CHSY3: variants seen among roughly 807,000 people sequenced by gnomAD.
CHSY3 encodes chondroitin sulfate synthase 3, also known as N-acetylgalactosaminyl-proteoglycan 3-beta-glucuronosyltransferase 3.
In CHSY3, 35 loss-of-function variants were observed where a neutral mutation model predicts 67.2. The observed-to-expected ratio is 0.52, with a 90% CI of 0.40 to 0.69. The LOEUF (loss-of-function observed/expected upper bound fraction) is 0.69, where lower values mean the gene tolerates loss of function less well. Among genes scored for constraint, CHSY3 ranks in the 30% least tolerant of loss-of-function variants. The pLI is 0.00. For synonymous variants in CHSY3, 474 were observed against 434.7 expected, an observed-to-expected ratio of 1.09 and a Z score of -1.12; for missense variants, 1,069 against 1,138.5, an observed-to-expected ratio of 0.94 and a Z score of 0.88.
At chr5:130,015,615 G>A (rs1764197452) in intron 2 of CHSY3, among the ~76,000 whole-genome samples, 1 of 152,182 alleles carries the variant, frequency 6.6e-6, no homozygotes, top group Non-Finnish European at 1.5e-5. Context: ...GTGGAGAAAG[G>A]GGAAGACTTA....
rs150011829 is a variant in CHSY3 at position 130,055,299 on chromosome 5, G to A, written c.1087-128930G>A. 2.2e-3 allele frequency among the ~76,000 whole-genome samples: 325 copies of A among 147,458 alleles called. 1 individual carries two copies. The highest frequency in any genetic ancestry group is 6.8e-3 in the African/African-American group (276 of 40,346). ...CCTTGTAAAAAAAAAAAAAAAAGTC[G>A]TTTTGAACTATGGATATGGAGGTCT... On this transcript the variant is annotated intron_variant, in intron 2 of 2. Transcript: ENST00000305031.
chr5:130,109,528 C>T (rs1336821124), intron 2 of CHSY3, among the ~76,000 whole-genome samples: 1 of 151,702 alleles, frequency 6.6e-6, no homozygotes, highest in African/African-American at 2.4e-5. Context: ...CTTTACACAT[C>T]TACAAAACAC....
chr5:130,048,866 A>G (rs1425040106), intron 2 of CHSY3, among the ~76,000 whole-genome samples: 1 of 152,012 alleles, frequency 6.6e-6, no homozygotes, highest in Non-Finnish European at 1.5e-5. Context: ...GTCAAATAAT[A>G]CAAAATTTCA....
chr5:129,917,778 A>G (rs1438662817), intron 2 of CHSY3, among the ~76,000 whole-genome samples: 1 of 152,296 alleles, frequency 6.6e-6, no homozygotes, highest in African/African-American at 2.4e-5. Context: ...TGACAGCGCA[A>G]TAGAATTTTC....
chr5:129,978,230 G>A (rs898723603), intron 2 of CHSY3, among the ~76,000 whole-genome samples: 6 of 151,844 alleles, frequency 4.0e-5, no homozygotes, highest in Admixed American at 1.3e-4. Flanking sequence ...GTCACAATTC[G>A]CTTCCAGTGA....
At chr5:130,096,930 TCTC>T (rs1336524595) in intron 2 of CHSY3, among the ~76,000 whole-genome samples, 2 of 152,226 alleles carry the variant, frequency 1.3e-5, no homozygotes, top group African/African-American at 4.8e-5. Context: ...TCTGACTCTT[TCTC>T]CTCCTATATT....
At chr5:130,041,397 C>G (rs1765003441) in intron 2 of CHSY3, among the ~76,000 whole-genome samples, 1 of 152,060 alleles carries the variant, frequency 6.6e-6, no homozygotes, top group Non-Finnish European at 1.5e-5. Context: ...CCTCTAGGCA[C>G]TCCAGCCCAA....
At chr5:130,145,007 G>C (rs1270403160) in intron 2 of CHSY3, among the ~76,000 whole-genome samples, 2 of 152,126 alleles carry the variant, frequency 1.3e-5, no homozygotes, top group African/African-American at 2.4e-5. Flanking sequence ...GAGGAAGAGA[G>C]AGGGAAGGGC....
In CHSY3 at chr5:129,924,208, A is replaced by G. The variant is rs183409234; in HGVS notation, c.1086+15848A>G. On this transcript the variant is annotated intron_variant, in intron 2 of 2. Coordinates refer to ENST00000305031, the MANE Select transcript of CHSY3 (RefSeq NM_175856.5). Reference sequence around the variant, plus strand: ...CTATCTTCCTAGAGAGCTTCCCCCAACCCCCTACTAACCACTCTTTTTTAT... The same window carrying G: ...CTATCTTCCTAGAGAGCTTCCCCCAGCCCCCTACTAACCACTCTTTTTTAT... Among the ~76,000 whole-genome samples, 284 of 151,790 alleles carry G rather than the reference A, an allele frequency of 1.9e-3. 3 individuals carry two copies. Among genetic ancestry groups the G allele is most frequent in the East Asian group, 0.017 (89 of 5,130 alleles).
intron 2 of CHSY3, among the ~76,000 whole-genome samples, chr5:130,153,549 T>C (rs1769286878): frequency 6.6e-6 from 1 of 152,192 alleles, no homozygotes; most frequent in South Asian, 2.1e-4. Context: ...GGAAGCCTTT[T>C]TTCATTGCTC....
At chr5:130,124,849 A>G (rs2149710654) in intron 2 of CHSY3, among the ~76,000 whole-genome samples, 1 of 152,318 alleles carries the variant, frequency 6.6e-6, no homozygotes, top group South Asian at 2.1e-4. Flanking sequence ...AAAGTATAAT[A>G]ATAAAAAAAG....
intron 2 of CHSY3, among the ~76,000 whole-genome samples, chr5:129,996,272 C>T (rs1763534998): frequency 6.6e-6 from 1 of 152,168 alleles, no homozygotes; most frequent in Admixed American, 6.5e-5. Flanking sequence ...CATCTGTACA[C>T]CCAGCCAGTA....
At chr5:130,151,954 T>C (rs1033922275) in intron 2 of CHSY3, among the ~76,000 whole-genome samples, 2 of 152,244 alleles carry the variant, frequency 1.3e-5, no homozygotes, top group Non-Finnish European at 2.9e-5. Flanking sequence ...ATTGTCATTG[T>C]AGATACATCT....
intron 2 of CHSY3, among the ~76,000 whole-genome samples, chr5:130,168,698 A>G (rs983082513): frequency 6.6e-6 from 1 of 152,016 alleles, no homozygotes; most frequent in Non-Finnish European, 1.5e-5. Context: ...TACTTTATTA[A>G]AAATTAATTA....
intron 2 of CHSY3, among the ~76,000 whole-genome samples, chr5:129,950,488 G>T (rs1017017096): frequency 4.6e-5 from 7 of 152,102 alleles, no homozygotes; most frequent in Admixed American, 3.9e-4. Context: ...AATTGTGTCT[G>T]TTTGCAGATG....
At chr5:130,112,356 A>T (rs2149704496) in intron 2 of CHSY3, among the ~76,000 whole-genome samples, 1 of 152,272 alleles carries the variant, frequency 6.6e-6, no homozygotes, top group South Asian at 2.1e-4. Context: ...ACAAGTTCTC[A>T]GCTGGGAACT....
rs977672818 is a variant in CHSY3 at position 130,135,263 on chromosome 5, A to AGT, written c.1087-48959_1087-48958dup. 5.3e-5 allele frequency among the ~76,000 whole-genome samples: 8 copies of AGT among 150,612 alleles called. No homozygotes were observed. The East Asian group carries it at 8.3e-4, about 16-fold the overall frequency. On this transcript the variant is annotated intron_variant, in intron 2 of 2. Transcript: ENST00000305031. Reference sequence around the variant, plus strand: ...GTATATAATATGTATAAGTTTAATAAGTGTGTGTATATATATATATACACA... The same window carrying AGT: ...GTATATAATATGTATAAGTTTAATAAGTGTGTGTGTATATATATATATACACA...
intron 2 of CHSY3, among the ~76,000 whole-genome samples, chr5:129,913,251 C>T (rs762600380): frequency 2.0e-5 from 3 of 152,188 alleles, no homozygotes; most frequent in Middle Eastern, 3.4e-3. Flanking sequence ...GTTTATTTTC[C>T]CTGCCTGGCT....
intron 2 of CHSY3, among the ~76,000 whole-genome samples, chr5:130,117,735 A>C (rs1767861447): frequency 6.6e-6 from 1 of 152,210 alleles, no homozygotes; most frequent in African/African-American, 2.4e-5. Context: ...CCAGCTACTT[A>C]TCTGGTATCA....
Sources: allele counts gnomAD v4.1 joint callset (sites outside exome capture counted in the v4.1 genomes callset), GRCh38; gene constraint gnomAD v4.1.1; transcripts MANE v1.5; gene names NCBI Gene and HGNC (gene_info 2026-07-23, HGNC 2026-07-21).